EPHA4: variants seen among roughly 807,000 people sequenced by gnomAD.
The protein encoded by EPHA4 is ephrin type-A receptor 4.
A neutral mutation model predicts 108.3 loss-of-function variants in EPHA4; 19 were observed. The ratio of observed to expected loss-of-function variants is 0.18; its 90% confidence interval spans 0.12 to 0.26. The LOEUF (loss-of-function observed/expected upper bound fraction) is 0.26, where lower values mean the gene tolerates loss of function less well. Among genes scored for constraint, EPHA4 ranks in the 10% least tolerant of loss-of-function variants. The probability of loss-of-function intolerance (pLI) is 1.00; values close to 1 mark genes in which losing one functional copy is unlikely to be tolerated. For synonymous variants in EPHA4, 449 were observed against 455.5 expected (o/e 0.99, Z 0.18); for missense variants, 917 against 1,254.0 (o/e 0.73, Z 4.06).
chr2:221,570,420 G>A (rs957481944), intron 1 of EPHA4, among the ~76,000 whole-genome samples: 5 of 152,140 alleles, frequency 3.3e-5, no homozygotes, highest in Admixed American at 6.5e-5. Flanking sequence ...TGTGTGAAGT[G>A]GCCAGGAGAA....
chr2:221,445,589 G>GA (rs35067500), intron 9 of EPHA4, among the ~76,000 whole-genome samples: 2,978 of 88,352 alleles, frequency 0.034, 175 homozygotes, highest in African/African-American at 0.13. Flanking sequence ...GACTCCGTCA[G>GA]AAAAAAAAAA....
At chr2:221,455,855 A>T (rs987305545) in intron 7 of EPHA4, among the ~76,000 whole-genome samples, 197 bp from the exon 8 acceptor site, 3 of 152,126 alleles carry the variant, frequency 2.0e-5, no homozygotes, top group African/African-American at 7.2e-5. Context: ...GCCTAGTTCA[A>T]AAGCCACTTC....
chr2:221,469,503 CA>C (rs1691411622), intron 5 of EPHA4, among the ~76,000 whole-genome samples: 1 of 152,116 alleles, frequency 6.6e-6, no homozygotes, highest in Non-Finnish European at 1.5e-5. Flanking sequence ...CTCAAACTAA[CA>C]GAACCCATGA....
chr2:221,512,270 T>C (rs775473080), intron 3 of EPHA4, among the ~76,000 whole-genome samples: 1 of 152,226 alleles, frequency 6.6e-6, no homozygotes, highest in Non-Finnish European at 1.5e-5. Flanking sequence ...GAAAAGCGTA[T>C]ATTTTAGATG....
rs541728082 is a variant in EPHA4, at chr2:221,450,001, G to A, written c.1716-3820C>T. ...TTCTTGCACCGAATGATGTCTAAAT[G>A]GTGTTCATGAGTAGCATGTTGAAAT... On this transcript the variant is annotated intron_variant, in intron 8 of 17. Transcript: ENST00000281821. Among the ~76,000 whole-genome samples, 26 of 152,278 alleles carry A rather than the reference G, an allele frequency of 1.7e-4. 1 individual carries two copies. The South Asian group carries it at 5.4e-3, about 32-fold the overall frequency.
At chr2:221,450,431 C>G (rs1690743267) in intron 8 of EPHA4, among the ~76,000 whole-genome samples, 1 of 152,188 alleles carries the variant, frequency 6.6e-6, no homozygotes, top group Admixed American at 6.5e-5. Context: ...ACAAATCTTA[C>G]CAACATCACT....
At chr2:221,437,728 A>G (rs1690287517) in intron 11 of EPHA4, among the ~76,000 whole-genome samples, 2 of 150,278 alleles carry the variant, frequency 1.3e-5, no homozygotes, top group South Asian at 2.1e-4. Context: ...CCTGGCCAAC[A>G]TGGTGAAACC....
At chr2:221,519,637 G>A (rs573944112) in intron 3 of EPHA4, among the ~76,000 whole-genome samples, 2 of 152,306 alleles carry the variant, frequency 1.3e-5, no homozygotes, top group Admixed American at 6.5e-5. Flanking sequence ...AATTACCTTT[G>A]CAACAACCAA....
chr2:221,542,644 T>C (rs1484331410), intron 3 of EPHA4, among the ~76,000 whole-genome samples: 2 of 152,176 alleles, frequency 1.3e-5, no homozygotes, highest in Non-Finnish European at 2.9e-5. Context: ...ACTTTAACAA[T>C]GCCTTTTTGA....
At chr2:221,505,165 A>C (rs1355915014) in intron 3 of EPHA4, among the ~76,000 whole-genome samples, 1 of 152,184 alleles carries the variant, frequency 6.6e-6, no homozygotes, top group Non-Finnish European at 1.5e-5. Flanking sequence ...CGGTCAATGA[A>C]TACTGGCTGT....
intron 10 of EPHA4, 79 bp from the exon 11 acceptor site, chr2:221,443,093 G>T: frequency 6.9e-7 from 1 of 1,441,096 alleles, no homozygotes; most frequent in Non-Finnish European, 9.6e-7. Flanking sequence ...TTCCTTGAGT[G>T]CTTGTTACAC....
chr2:221,495,861 G>C (rs1308525974), intron 4 of EPHA4, among the ~76,000 whole-genome samples: 1 of 152,158 alleles, frequency 6.6e-6, no homozygotes, highest in Non-Finnish European at 1.5e-5. Context: ...GGCTCAGATA[G>C]TGTGTTTTAT....
intron 3 of EPHA4, among the ~76,000 whole-genome samples, chr2:221,526,852 CAA>C (rs528335766): frequency 6.2e-5 from 3 of 48,618 alleles, no homozygotes; most frequent in Non-Finnish European, 7.1e-5. Flanking sequence ...GACTCGGCCT[CAA>C]AAAAAAAAAA....
intron 14 of EPHA4, among the ~76,000 whole-genome samples, chr2:221,430,510 C>T (rs1690040474): frequency 6.6e-6 from 1 of 151,968 alleles, no homozygotes; most frequent in African/African-American, 2.4e-5. Flanking sequence ...CTGCTATTAG[C>T]ACACCTAAAC....
chr2:221,470,751 T>C (rs1691458225), intron 5 of EPHA4, among the ~76,000 whole-genome samples: 1 of 152,118 alleles, frequency 6.6e-6, no homozygotes, highest in African/African-American at 2.4e-5. Flanking sequence ...ACCTTTGGGT[T>C]AAATTACAGT....
In EPHA4 at chr2:221,425,831, A is replaced by G. The variant is rs558368123; in HGVS notation, c.*197T>C. The G allele has an allele frequency of 5.9e-5, 34 of 580,116 alleles. No individual in the cohort carries two copies. The South Asian group carries it at 6.3e-4, about 11-fold the overall frequency. 35.9% of individuals were successfully genotyped at this position (580,116 alleles called of 1,614,324 possible). A position where few individuals can be genotyped will look rare whatever the true frequency, so the allele number is the denominator to read the frequency against. On this transcript the variant is annotated 3_prime_UTR_variant, in exon 17 of 18. Transcript: ENST00000281821. ...AAACGATTTGTTCCAGGTCTCATTC[A>G]AATGACCGGCAGTCATTTCTGTAAG...
At chr2:221,468,388 A>G (rs1451718690) in intron 5 of EPHA4, among the ~76,000 whole-genome samples, 2 of 152,240 alleles carry the variant, frequency 1.3e-5, no homozygotes, top group African/African-American at 4.8e-5. Flanking sequence ...ATTAGCTGCT[A>G]TGCATCAAGG....
chr2:221,442,772 G>A (rs1690465753), intron 11 of EPHA4, 57 bp downstream of exon 11: 4 of 1,562,744 alleles, frequency 2.6e-6, no homozygotes. Context: ...AAGAAAATGT[G>A]TGTTTAATTT....
intron 3 of EPHA4, among the ~76,000 whole-genome samples, chr2:221,562,862 C>G (rs1694511189): frequency 6.6e-6 from 1 of 152,022 alleles, no homozygotes; most frequent in Non-Finnish European, 1.5e-5. Flanking sequence ...CCCCAGTATT[C>G]TGACAGGAAG....
Sources: gnomAD v4.1 joint callset for allele counts (sites outside exome capture counted in the v4.1 genomes callset) on GRCh38, gnomAD v4.1.1 for gene constraint, MANE v1.5 for transcripts, NCBI Gene and HGNC (gene_info 2026-07-23, HGNC 2026-07-21) for gene names.